Variants in POLR3C observed in about 807,000 individuals in gnomAD.
The protein encoded by POLR3C is DNA-directed RNA polymerase III subunit RPC3.
POLR3C carries 44 observed loss-of-function variants against 65.9 expected under a neutral mutation model. The observed-to-expected ratio is 0.67, with a 90% CI of 0.52 to 0.86. The LOEUF (loss-of-function observed/expected upper bound fraction) is 0.86, where lower values mean the gene tolerates loss of function less well. Among genes scored for constraint, POLR3C ranks in the 40% least tolerant of loss-of-function variants. The pLI is 0.00. For synonymous variants in POLR3C, 263 were observed against 231.6 expected, an observed-to-expected ratio of 1.14 and a Z score of -1.23; for missense variants, 576 against 653.2, an observed-to-expected ratio of 0.88 and a Z score of 1.29.
chr1:145,839,119 A>G (rs2101656311), intron 11 of POLR3C, among the ~76,000 whole-genome samples: 1 of 152,114 alleles, frequency 6.6e-6, no homozygotes, highest in African/African-American at 2.4e-5. Flanking sequence ...AAAAATACAA[A>G]AATTAGCTGG....
rs1006312427 is a variant in POLR3C, at chr1:145,833,484, A to G, written c.784-6A>G. 3.1e-6 allele frequency: 5 copies of G among 1,611,312 alleles called. No homozygotes were observed. In the African/African-American group the frequency reaches 6.7e-5, roughly 22 times the overall value. ...ATTTCTGAATTCTAGTTTACTTTTC[A>G]AACAGACAAGCAGCGAGATTGTGCG... On this transcript the variant is annotated splice_polypyrimidine_tract_variant and splice_region_variant and intron_variant, in intron 6 of 14. Coordinates refer to ENST00000334163, the MANE Select transcript of POLR3C (RefSeq NM_006468.8).
At chr1:145,828,012 C>T (rs1204258472) in intron 4 of POLR3C, among the ~76,000 whole-genome samples, 1 of 151,872 alleles carries the variant, frequency 6.6e-6, no homozygotes, top group Non-Finnish European at 1.5e-5. Context: ...GAGAAGGTGG[C>T]ATTTGAGCTA....
At position 145,836,572 on chromosome 1, in the gene POLR3C, C is replaced by T. The variant is rs1172925925; in HGVS notation, c.955C>T (p.Pro319Ser). The T allele has an allele frequency of 6.3e-7, 1 of 1,592,180 alleles. No individual in the cohort carries two copies. Among genetic ancestry groups the T allele is most frequent in the African/African-American group, 1.3e-5 (1 of 74,508 alleles). The change falls in exon 8 of 15, where the codon CCA (proline) becomes TCA (serine). Residue 319 changes from proline (P) to serine (S), a missense_variant and splice_region_variant. Pro to Ser is a moderately conservative substitution (Grantham distance 74). Transcript: ENST00000334163. ...GTATCTCACTCTGCTGGCAGATGAT[C>T]CAGTAAGTCTGTTTTTGCTTTTTTT... ...DQYLTLLADDPLEFVGKSGDS... is the reference protein window; with the variant it reads ...DQYLTLLADDSLEFVGKSGDS...
In POLR3C at chr1:145,826,673, A is replaced by C. The variant is rs782646438; in HGVS notation, c.367A>C (p.Lys123Gln). Residue 123 changes from lysine to glutamine, a missense_variant, in exon 3 of 15, where the codon AAG becomes CAG. Coordinates refer to ENST00000334163, the MANE Select transcript of POLR3C (RefSeq NM_006468.8). ...NGKLTMSAVV[K>Q]KVADRLTETM... is the part of the protein sequence containing the mutation. ...CAAACTGACAATGTCAGCTGTTGTGAAGAAAGTGGCAGACCGGCTCACAGA... is the reference window on the plus strand; with the variant it reads ...CAAACTGACAATGTCAGCTGTTGTGCAGAAAGTGGCAGACCGGCTCACAGA... 3 of 1,614,026 alleles carry C rather than the reference A, an allele frequency of 1.9e-6. No individual in the cohort carries two copies. In the African/African-American group the frequency reaches 4.0e-5, roughly 22 times the overall value.
intron 11 of POLR3C, 31 bp downstream of exon 11, chr1:145,838,237 C>T: frequency 6.3e-7 from 1 of 1,598,300 alleles, no homozygotes; most frequent in Non-Finnish European, 8.6e-7. Context: ...TAATTGCCAA[C>T]CAGCAAAGCT....
chr1:145,824,392 A>C (rs1253268287), intron 1 of POLR3C, 23 bp downstream of exon 1: 17 of 445,628 alleles, frequency 3.8e-5, no homozygotes, highest in Non-Finnish European at 6.5e-5. Context: ...TGCTGTCTGA[A>C]CGTGGCGGCA....
chr1:145,828,944 A>G, intron 5 of POLR3C, 107 bp downstream of exon 5: 1 of 688,704 alleles, frequency 1.5e-6, no homozygotes, highest in Non-Finnish European at 2.6e-6. Context: ...AAGAAGCAGT[A>G]GGATTATGAA....
intron 4 of POLR3C, among the ~76,000 whole-genome samples, chr1:145,827,941 GA>G (rs782073571): frequency 2.6e-4 from 39 of 151,646 alleles, no homozygotes; most frequent in Non-Finnish European, 5.0e-4. Flanking sequence ...AAAAAAAAAA[GA>G]AAAGAAAATA....
intron 1 of POLR3C, chr1:145,824,618 T>C: frequency 1.2e-6 from 1 of 839,346 alleles, no homozygotes; most frequent in South Asian, 1.4e-5. Flanking sequence ...TTGGAAGAAA[T>C]AAGTAAACAA....
chr1:145,836,858 A>G lies in POLR3C; in HGVS notation c.1001A>G (p.Tyr334Cys). 1.9e-6 allele frequency: 3 copies of G among 1,574,266 alleles called. No individual in the cohort carries two copies. The highest frequency in any genetic ancestry group is 2.6e-6 in the Non-Finnish European group (3 of 1,144,846). ...GKSGDSGGGMYVINLHKALAS... is the reference protein window; with the variant it reads ...GKSGDSGGGMCVINLHKALAS... ...TCTGGCGACAGTGGTGGAGGAATGT[A>G]TGTCATCAGTATCCTTACCAGTTAT... The change falls in exon 9 of 15, where the codon TAT becomes TGT. Residue 334 changes from tyrosine (Y) to cysteine (C), a missense_variant. By Grantham distance (194) the Tyr-to-Cys change is radical (BLOSUM62 -2). Coordinates refer to ENST00000334163, the MANE Select transcript of POLR3C (RefSeq NM_006468.8).
In POLR3C at chr1:145,837,937, A is replaced by G. The variant is rs1255705809; in HGVS notation, c.1071-119A>G. Reference sequence around the variant, plus strand: ...TATGGAGCTGTAGAATAATTTTCTGATCACTGTTCCTGTCTGGTACTGGCT... The same window carrying G: ...TATGGAGCTGTAGAATAATTTTCTGGTCACTGTTCCTGTCTGGTACTGGCT... On this transcript the variant is annotated intron_variant, in intron 10 of 14. Coordinates refer to ENST00000334163, the MANE Select transcript of POLR3C (RefSeq NM_006468.8). The G allele has an allele frequency of 2.5e-5, 22 of 874,144 alleles. No individual in the cohort carries two copies. In the African/African-American group the frequency reaches 3.5e-4, roughly 14 times the overall value. 54.1% of individuals were successfully genotyped at this position (874,144 alleles called of 1,614,324 possible). A position where few individuals can be genotyped will look rare whatever the true frequency, so the allele number is the denominator to read the frequency against.
At chr1:145,837,674 C>T (rs1570747126) in intron 10 of POLR3C, 78 bp downstream of exon 10, 1 of 923,584 alleles carries the variant, frequency 1.1e-6, no homozygotes, top group African/African-American at 1.6e-5. Context: ...ATGTAAGCCA[C>T]CAATATAACC....
Position 145,826,881 on chromosome 1 carries a change from CTT to C in POLR3C, c.467_468del (p.Phe156CysfsTer11). 2.5e-6 allele frequency: 4 copies of C among 1,613,444 alleles called. No homozygotes were observed. Among genetic ancestry groups the C allele is most frequent in the Non-Finnish European group, 3.4e-6 (4 of 1,179,736 alleles). ...CATTTGTGCGACTGGCAGACACACA[CTT>C]TGTACAACGCTGCCCTTCGGTACCT... ...NTFVRLADTH[F>X]VQRCPSVPTT... On this transcript the variant is annotated frameshift_variant, in exon 4 of 15. Transcript: ENST00000334163. LOFTEE classifies it high-confidence loss of function.
chr1:145,842,417 G>A lies in POLR3C; in HGVS notation c.1602G>A (p.Gln534=). 1 of 1,598,146 alleles carries A rather than the reference G, an allele frequency of 6.3e-7. No homozygotes were observed. The highest frequency in any genetic ancestry group is 8.6e-7 in the Non-Finnish European group (1 of 1,166,028). ...ESYIECTMKR[Q] ...ACATTGAGTGCACCATGAAGAGACA[G>A]TGATCCAGAAGAAGCATCTTCCTCA... Residue 534 remains glutamine, a synonymous_variant, in exon 15 of 15, where the codon CAG becomes CAA. Coordinates refer to ENST00000334163, the MANE Select transcript of POLR3C (RefSeq NM_006468.8).
At position 145,826,947 on chromosome 1, in the gene POLR3C, C is replaced by T. The variant is rs782106737; in HGVS notation, c.531C>T (p.Ala177=). Residue 177 remains alanine, a synonymous_variant, in exon 4 of 15, where the codon GCC becomes GCT. Coordinates refer to ENST00000334163, the MANE Select transcript of POLR3C (RefSeq NM_006468.8). ...CAGACCCTGGGCCACCACCACCTGC[C>T]CCCACACTTGTCATTAATGAAAAGG... ...ENSDPGPPPP[A]PTLVINEKDM... is the part of the protein sequence containing the mutation. 16 of 1,613,328 alleles carry T rather than the reference C, an allele frequency of 9.9e-6. No individual in the cohort carries two copies. The highest frequency in any genetic ancestry group is 1.7e-4 in the Middle Eastern group (1 of 6,058).
At chr1:145,835,790 T>C (rs757733744) in intron 7 of POLR3C, among the ~76,000 whole-genome samples, 17 of 152,126 alleles carry the variant, frequency 1.1e-4, no homozygotes, top group Non-Finnish European at 2.4e-4. Context: ...GCCAGGCTGG[T>C]CTCGAACTCC....
At chr1:145,837,189 T>C (rs1169513723) in intron 9 of POLR3C, among the ~76,000 whole-genome samples, 21 of 152,018 alleles carry the variant, frequency 1.4e-4, no homozygotes, top group Admixed American at 1.2e-3. Context: ...ATGCTTGTAG[T>C]CCAGCTCCTC....
chr1:145,842,540 T>C lies in POLR3C; in HGVS notation c.*120T>C, dbSNP rs1355622125. 2 of 744,890 alleles carry C rather than the reference T, an allele frequency of 2.7e-6. No homozygotes were observed. Among genetic ancestry groups the C allele is most frequent in the East Asian group, 5.1e-5 (2 of 39,458 alleles). 46.1% of individuals were successfully genotyped at this position (744,890 alleles called of 1,614,324 possible). On this transcript the variant is annotated 3_prime_UTR_variant, in exon 15 of 15. Transcript: ENST00000334163. ...GAGTCTTCAACTAAACCCCCCTCTCTATCCCCTGCAGCCCAGGATACACCT... is the reference window on the plus strand; with the variant it reads ...GAGTCTTCAACTAAACCCCCCTCTCCATCCCCTGCAGCCCAGGATACACCT...
chr1:145,835,603 T>G (rs782060359), intron 7 of POLR3C, among the ~76,000 whole-genome samples: 1 of 152,040 alleles, frequency 6.6e-6, no homozygotes, highest in Non-Finnish European at 1.5e-5. Flanking sequence ...GACAGAGTCT[T>G]GTACTCTTTC....
Sources: allele counts gnomAD v4.1 joint callset (sites outside exome capture counted in the v4.1 genomes callset), GRCh38; gene constraint gnomAD v4.1.1; transcripts MANE v1.5; gene names NCBI Gene and HGNC (gene_info 2026-07-23, HGNC 2026-07-21).